The following RALYL variants were observed in gnomAD, a reference collection of about 807,000 sequenced individuals.
RALYL encodes RALY RNA binding protein like.
RALYL carries 29 observed loss-of-function variants against 35.1 expected under a neutral mutation model. That is an observed-to-expected ratio of 0.83 (90% CI 0.61 to 1.13). RALYL has a LOEUF of 1.13. Among genes scored for constraint, RALYL ranks in the 50% most tolerant of loss-of-function variants. RALYL has a pLI of 0.00. For missense variants in RALYL, 359 were observed against 360.4 expected (o/e 1.00, Z 0.03); for synonymous variants, 120 against 127.6 (o/e 0.94, Z 0.40).
At chr8:84,433,366 G>A (rs549537523) in intron 1 of RALYL, among the ~76,000 whole-genome samples, 12 of 152,188 alleles carry the variant, frequency 7.9e-5, no homozygotes, top group African/African-American at 2.9e-4. Flanking sequence ...CTTTATGTAT[G>A]TAGATTATAA....
At chr8:84,818,832 C>G (rs1470073202) in intron 4 of RALYL, among the ~76,000 whole-genome samples, 16 of 152,116 alleles carry the variant, frequency 1.1e-4, no homozygotes, top group Admixed American at 8.5e-4. Flanking sequence ...GATGAAATAG[C>G]ATTTTCTTTA....
chr8:84,635,525 A>T (rs573251201), intron 2 of RALYL, among the ~76,000 whole-genome samples: 1 of 151,870 alleles, frequency 6.6e-6, no homozygotes, highest in Non-Finnish European at 1.5e-5. Context: ...TACTGTAGCA[A>T]CTTCAGTTCT....
chr8:84,577,410 G>T lies in RALYL; in HGVS notation c.256+47833G>T, dbSNP rs78119205. On this transcript the variant is annotated intron_variant, in intron 2 of 8. Coordinates refer to ENST00000521268, the MANE Select transcript of RALYL (RefSeq NM_173848.7). ...GACGAATGGTGGGTGGTAAAGAAAA[G>T]ACTGTGTTTGCTGGCAGAGAAGGAA... Among the ~76,000 whole-genome samples, 185 of 152,290 alleles carry T rather than the reference G, an allele frequency of 1.2e-3. 3 individuals are homozygous for T. In the East Asian group the frequency reaches 0.028, roughly 23 times the overall value.
chr8:84,617,227 T>C (rs1165218794), intron 2 of RALYL, among the ~76,000 whole-genome samples: 1 of 151,712 alleles, frequency 6.6e-6, no homozygotes, highest in African/African-American at 2.4e-5. Context: ...CCCATGAGCA[T>C]GGAATGTTCT....
intron 1 of RALYL, among the ~76,000 whole-genome samples, chr8:84,221,988 C>G (rs1822338106): frequency 6.6e-6 from 1 of 151,982 alleles, no homozygotes. Flanking sequence ...TGTGTTTAGG[C>G]TTAGTATGAC....
chr8:84,403,902 G>A (rs981509451), intron 1 of RALYL, among the ~76,000 whole-genome samples: 1 of 152,034 alleles, frequency 6.6e-6, no homozygotes, highest in Admixed American at 6.6e-5. Flanking sequence ...TATATCCACT[G>A]TAAGTTGTAT....
intron 1 of RALYL, among the ~76,000 whole-genome samples, chr8:84,492,404 A>C (rs1444720931): frequency 6.6e-6 from 1 of 152,106 alleles, no homozygotes; most frequent in Non-Finnish European, 1.5e-5. Context: ...TATCATATCC[A>C]TGTTCCAAAA....
intron 2 of RALYL, among the ~76,000 whole-genome samples, chr8:84,653,902 A>G (rs1829369971): frequency 6.6e-6 from 1 of 151,752 alleles, no homozygotes; most frequent in African/African-American, 2.4e-5. Context: ...TATTCTCCAT[A>G]GAACTTACAC....
intron 6 of RALYL, among the ~76,000 whole-genome samples, chr8:84,871,991 C>G (rs1840280624): frequency 6.6e-6 from 1 of 152,060 alleles, no homozygotes; most frequent in South Asian, 2.1e-4. Flanking sequence ...GTTAAACACT[C>G]TAATTTCCTC....
At chr8:84,629,410 G>T (rs1823454155) in intron 2 of RALYL, among the ~76,000 whole-genome samples, 1 of 151,902 alleles carries the variant, frequency 6.6e-6, no homozygotes, top group Non-Finnish European at 1.5e-5. Flanking sequence ...ACTACTTCTG[G>T]GCATTCACCC....
At chr8:84,578,005 C>A (rs1400766450) in intron 2 of RALYL, among the ~76,000 whole-genome samples, 2 of 152,188 alleles carry the variant, frequency 1.3e-5, no homozygotes, top group African/African-American at 4.8e-5. Flanking sequence ...TGAGTTTTTG[C>A]TTCGGCCCAC....
chr8:84,567,260 C>A (rs2061843915), intron 2 of RALYL, among the ~76,000 whole-genome samples: 1 of 151,768 alleles, frequency 6.6e-6, no homozygotes, highest in Admixed American at 6.6e-5. Context: ...AATGCATGTT[C>A]ATTACATGGG....
In RALYL at chr8:84,423,662, T is replaced by G. The variant is rs1032044204; in HGVS notation, c.-23-105637T>G. 4.6e-4 allele frequency among the ~76,000 whole-genome samples: 70 copies of G among 152,196 alleles called. 1 individual carries two copies. The highest frequency in any genetic ancestry group is 3.4e-3 in the Middle Eastern group (1 of 294). ...CCTAGTCTCGATGGTCTTTACATTT[T>G]GGCATGGTTTTGCAGTGGCTGGTAC... On this transcript the variant is annotated intron_variant, in intron 1 of 8. Transcript: ENST00000521268.
At chr8:84,309,350 A>G (rs1410580728) in intron 1 of RALYL, among the ~76,000 whole-genome samples, 2 of 151,734 alleles carry the variant, frequency 1.3e-5, no homozygotes, top group Admixed American at 6.6e-5. Flanking sequence ...TAAGCAAATC[A>G]GAAGTAGTAT....
intron 1 of RALYL, among the ~76,000 whole-genome samples, chr8:84,388,043 C>T (rs1859654517): frequency 6.6e-6 from 1 of 151,928 alleles, no homozygotes; most frequent in South Asian, 2.1e-4. Flanking sequence ...CTTCCTGTGT[C>T]CATGTGATCT....
chr8:84,280,900 G>A (rs1451824867), intron 1 of RALYL, among the ~76,000 whole-genome samples: 1 of 152,070 alleles, frequency 6.6e-6, no homozygotes, highest in Non-Finnish European at 1.5e-5. Context: ...GTAAAAATAT[G>A]AAGAGTATTC....
At chr8:84,466,927 C>T (rs536043828) in intron 1 of RALYL, among the ~76,000 whole-genome samples, 3,316 of 151,838 alleles carry the variant, frequency 0.022, 70 homozygotes, top group African/African-American at 0.058. Flanking sequence ...AGTTTATTTG[C>T]GTAGAGGTGT....
At chr8:84,333,551 T>C (rs1847221094) in intron 1 of RALYL, among the ~76,000 whole-genome samples, 1 of 152,176 alleles carries the variant, frequency 6.6e-6, no homozygotes, top group African/African-American at 2.4e-5. Context: ...AGTTCCCTCA[T>C]AGCAGCCCAA....
chr8:84,242,597 GT>G (rs554325766), intron 1 of RALYL, among the ~76,000 whole-genome samples: 7 of 152,110 alleles, frequency 4.6e-5, no homozygotes, highest in Non-Finnish European at 5.9e-5. Context: ...TGATGTTGAG[GT>G]TTTTTTATAT....
Sources: gnomAD v4.1 joint callset for allele counts (sites outside exome capture counted in the v4.1 genomes callset) on GRCh38, gnomAD v4.1.1 for gene constraint, MANE v1.5 for transcripts, NCBI Gene and HGNC (gene_info 2026-07-23, HGNC 2026-07-21) for gene names.